Variants in MPHOSPH10 observed in about 807,000 individuals in gnomAD.
MPHOSPH10 encodes the protein U3 small nucleolar ribonucleoprotein MPP10.
Under a neutral mutation model 77.3 loss-of-function variants are expected in MPHOSPH10, and 33 were observed. The observed-to-expected ratio is 0.43, with a 90% CI of 0.32 to 0.57. MPHOSPH10 has a LOEUF of 0.57. Among genes scored for constraint, MPHOSPH10 ranks in the 20% least tolerant of loss-of-function variants. The probability of loss-of-function intolerance (pLI) is 0.07; values close to 1 mark genes in which losing one functional copy is unlikely to be tolerated. For synonymous variants in MPHOSPH10, 245 were observed against 268.0 expected, an observed-to-expected ratio of 0.91 and a Z score of 0.84; for missense variants, 708 against 780.1, an observed-to-expected ratio of 0.91 and a Z score of 1.10.
intron 8 of MPHOSPH10, among the ~76,000 whole-genome samples, chr2:71,144,927 T>A (rs1673679252): frequency 6.6e-6 from 1 of 152,264 alleles, no homozygotes; most frequent in Admixed American, 6.5e-5. Flanking sequence ...CCAGCATTTA[T>A]GGAGTATCTG....
chr2:71,148,694 T>G (rs1448757541), intron 9 of MPHOSPH10: 1 of 161,736 alleles, frequency 6.2e-6, no homozygotes, highest in Non-Finnish European at 1.4e-5. Flanking sequence ...TCACCCCTTC[T>G]GTCTGAGCCT....
intron 7 of MPHOSPH10, among the ~76,000 whole-genome samples, chr2:71,143,858 C>T (rs62147279): frequency 0.018 from 2,674 of 152,340 alleles, 29 homozygotes; most frequent in Middle Eastern, 0.031. Context: ...CACTGGTGGA[C>T]ATTCAGGCTG....
chr2:71,137,651 T>C (rs936169389), intron 4 of MPHOSPH10, among the ~76,000 whole-genome samples: 1 of 127,610 alleles, frequency 7.8e-6, no homozygotes, highest in Non-Finnish European at 1.6e-5. Context: ...TGAGCGAGAC[T>C]GTCTCAAAAA....
chr2:71,139,897 T>C, intron 6 of MPHOSPH10, 35 bp downstream of exon 6: 1 of 1,391,470 alleles, frequency 7.2e-7, no homozygotes, highest in Non-Finnish European at 1.0e-6. Flanking sequence ...AATCAAAATG[T>C]CACCAAGATT....
intron 7 of MPHOSPH10, 87 bp downstream of exon 7, chr2:71,141,456 C>T (rs1673610722): frequency 8.6e-7 from 1 of 1,164,992 alleles, no homozygotes; most frequent in African/African-American, 1.6e-5. Context: ...AATCGTGAAA[C>T]AGAAATCTTG....
At position 71,133,272 on chromosome 2, in the gene MPHOSPH10, C is replaced by G; in HGVS notation, c.464C>G (p.Ser155Ter). The G allele has an allele frequency of 6.2e-7, 1 of 1,614,066 alleles. No individual in the cohort carries two copies. The highest frequency in any genetic ancestry group is 8.5e-7 in the Non-Finnish European group (1 of 1,180,006). ...DPEMGERAEN[S>*]SKSDLRKSPV... ...GAAATGGGTGAGAGAGCTGAAAACT[C>G]AAGCAAATCTGATCTGAGGAAAAGC... The change falls in exon 2 of 11, where the codon TCA becomes TGA. Residue 155 changes from serine (S) to a stop codon, truncating the protein, a stop_gained. Coordinates refer to ENST00000244230, the MANE Select transcript of MPHOSPH10 (RefSeq NM_005791.3). LOFTEE classifies it high-confidence loss of function.
intron 1 of MPHOSPH10, among the ~76,000 whole-genome samples, chr2:71,131,028 C>T (rs533750949): frequency 6.6e-6 from 1 of 151,688 alleles, no homozygotes; most frequent in East Asian, 1.9e-4. Context: ...CGCCCCCATC[C>T]CTCTACACAC....
rs554779004 is a variant in MPHOSPH10 at position 71,138,525 on chromosome 2, G to T, written c.1134G>T (p.Leu378Phe). 6.3e-7 allele frequency: 1 copy of T among 1,598,954 alleles called. No homozygotes were observed. The highest frequency in any genetic ancestry group is 1.4e-5 in the African/African-American group (1 of 74,060). The change falls in exon 5 of 11, where the codon TTG becomes TTT. Residue 378 changes from leucine to phenylalanine, a missense_variant. By Grantham distance (22) the Leu-to-Phe change is conservative. Coordinates refer to ENST00000244230, the MANE Select transcript of MPHOSPH10 (RefSeq NM_005791.3). ...AAATTGCATCTTTAGAAAAAGAGTT[G>T]TTAGAAAAAAAGCCGTGGCAGCTTC... Reference protein sequence around the residue: ...NEKIASLEKELLEKKPWQLQG... With the variant: ...NEKIASLEKEFLEKKPWQLQG...
chr2:71,130,967 A>T (rs1673365275), intron 1 of MPHOSPH10: 2 of 554,682 alleles, frequency 3.6e-6, no homozygotes, highest in African/African-American at 1.9e-5. Context: ...TGTTACTGAA[A>T]TCACTCTAAC....
chr2:71,137,861 T>A (rs1164806518), intron 4 of MPHOSPH10, among the ~76,000 whole-genome samples: 1 of 152,058 alleles, frequency 6.6e-6, no homozygotes, highest in Non-Finnish European at 1.5e-5. Context: ...TTTTAAAAGT[T>A]AGAGATAATG....
Position 71,133,105 on chromosome 2 carries a change from T to A in MPHOSPH10, c.297T>A (p.Ile99=), listed in dbSNP as rs774065074. ...TTCAGAATGCAGTTAGTGAAACAAT[T>A]AATGATGAAGATATCAGTCTTCTCC... ...QYFQNAVSET[I]NDEDISLLPE... Residue 99 remains isoleucine, a synonymous_variant, in exon 2 of 11, where the codon ATT becomes ATA. Transcript: ENST00000244230. 33 of 1,614,028 alleles carry A rather than the reference T, an allele frequency of 2.0e-5. No individual in the cohort carries two copies. Among genetic ancestry groups the A allele is most frequent in the Non-Finnish European group, 2.8e-5 (33 of 1,180,024 alleles).
chr2:71,138,276 C>A (rs919628790), intron 4 of MPHOSPH10, among the ~76,000 whole-genome samples: 1 of 152,072 alleles, frequency 6.6e-6, no homozygotes, highest in African/African-American at 2.4e-5. Flanking sequence ...ATAAACATGG[C>A]ATTTTAAATT....
chr2:71,149,511 A>G, intron 10 of MPHOSPH10, 58 bp downstream of exon 10: 2 of 1,480,832 alleles, frequency 1.4e-6, no homozygotes, highest in Non-Finnish European at 1.9e-6. Context: ...AGTGGATAGC[A>G]AGTGCTGGGT....
chr2:71,131,739 T>C (rs765434288), intron 1 of MPHOSPH10, among the ~76,000 whole-genome samples: 21 of 152,198 alleles, frequency 1.4e-4, no homozygotes, highest in Admixed American at 3.9e-4. Context: ...ATAAGACTTA[T>C]TGTCCAGAAG....
At chr2:71,143,890 T>G (rs188719414) in intron 7 of MPHOSPH10, among the ~76,000 whole-genome samples, 7 of 152,362 alleles carry the variant, frequency 4.6e-5, no homozygotes, top group African/African-American at 4.8e-5. Flanking sequence ...TGACTGTTAA[T>G]AGTGCCATGT....
intron 9 of MPHOSPH10, 108 bp downstream of exon 9, chr2:71,148,214 A>G (rs1404377358): frequency 9.9e-6 from 9 of 906,274 alleles, no homozygotes; most frequent in African/African-American, 1.6e-5. Context: ...TCTTATTCCA[A>G]TGTATCTCAG....
intron 4 of MPHOSPH10, among the ~76,000 whole-genome samples, chr2:71,135,992 A>G (rs1441816296): frequency 6.6e-6 from 1 of 152,200 alleles, no homozygotes; most frequent in Non-Finnish European, 1.5e-5. Flanking sequence ...GGCGTGAGCC[A>G]CTGCGCCCAG....
At chr2:71,134,487 C>A in intron 3 of MPHOSPH10, 139 bp from the exon 4 acceptor site, 1 of 730,126 alleles carries the variant, frequency 1.4e-6, no homozygotes, top group East Asian at 3.0e-5. Context: ...TCCTTAATAA[C>A]TGAATGATTT....
At chr2:71,141,748 G>A (rs557217551) in intron 7 of MPHOSPH10, among the ~76,000 whole-genome samples, 1 of 152,138 alleles carries the variant, frequency 6.6e-6, no homozygotes, top group South Asian at 2.1e-4. Flanking sequence ...AAAATCTCTG[G>A]GCTGGGTATG....
Sources: gnomAD v4.1 joint callset for allele counts (sites outside exome capture counted in the v4.1 genomes callset) on GRCh38, gnomAD v4.1.1 for gene constraint, MANE v1.5 for transcripts, NCBI Gene and HGNC (gene_info 2026-07-23, HGNC 2026-07-21) for gene names.